UBA6: variants seen among roughly 807,000 people sequenced by gnomAD.
UBA6 encodes ubiquitin like modifier activating enzyme 6.
A neutral mutation model predicts 148.3 loss-of-function variants in UBA6; 87 were observed. That is an observed-to-expected ratio of 0.59 (90% confidence interval 0.49 to 0.70). UBA6 has a LOEUF of 0.70. UBA6 is among the 30% of genes least tolerant of loss of function. The probability of loss-of-function intolerance (pLI) is 0.00; values close to 1 mark genes in which losing one functional copy is unlikely to be tolerated. For synonymous variants in UBA6, 376 were observed against 401.0 expected (o/e 0.94, Z 0.75); for missense variants, 1,186 against 1,241.2 (o/e 0.96, Z 0.67).
chr4:67,700,525 C>T (rs1730952600), intron 1 of UBA6, among the ~76,000 whole-genome samples: 1 of 135,482 alleles, frequency 7.4e-6, no homozygotes, highest in Admixed American at 7.5e-5. Context: ...ATTTTTTTTT[C>T]CTGGCTTTTT....
chr4:67,660,551 C>T (rs1490277217), intron 13 of UBA6, among the ~76,000 whole-genome samples: 2 of 152,184 alleles, frequency 1.3e-5, no homozygotes, highest in African/African-American at 4.8e-5. Context: ...GATTTGGGAA[C>T]CTCTGCCTAG....
chr4:67,662,538 C>T (rs1409985584), intron 12 of UBA6: 5 of 283,186 alleles, frequency 1.8e-5, no homozygotes, highest in Non-Finnish European at 3.2e-5. Flanking sequence ...AATCTTGGCT[C>T]ACTGCACCCT....
chr4:67,637,621 TCTA>T (rs1729195049), intron 19 of UBA6, among the ~76,000 whole-genome samples: 3 of 2,888 alleles, frequency 1.0e-3, no homozygotes, highest in Non-Finnish European at 7.6e-3. Context: ...ATGCTGTTGA[TCTA>T]ATCTATGACC....
chr4:67,685,426 T>A (rs542326896), intron 2 of UBA6, among the ~76,000 whole-genome samples: 9 of 152,358 alleles, frequency 5.9e-5, no homozygotes, highest in Non-Finnish European at 4.4e-5. Flanking sequence ...TCTAGTGTCA[T>A]CTTTTGCCTC....
intron 19 of UBA6, 39 bp from the exon 20 acceptor site, chr4:67,635,597 G>A (rs1457972780): frequency 7.7e-7 from 1 of 1,292,962 alleles, no homozygotes; most frequent in Non-Finnish European, 1.1e-6. Context: ...AAAAAAGTGA[G>A]CAATAACAAT....
rs866462500 is a variant in UBA6 at position 67,677,703 on chromosome 4, G to A, written c.373C>T (p.His125Tyr). Residue 125 changes from histidine to tyrosine, a missense_variant, in exon 6 of 33, where the codon CAT (histidine) becomes TAT (tyrosine). Physicochemically the swap from His to Tyr is moderately conservative, Grantham distance 83. Coordinates refer to ENST00000322244, the MANE Select transcript of UBA6 (RefSeq NM_018227.6). The part of the protein sequence containing the change: ...KRNRAEAVLK[H>Y]IAELNPYVHV... ...ACGTATGGATTTAGTTCTGCAATAT[G>A]TTTAAGTACAGCTTCAGCCCTAAAA... 3 of 1,588,756 alleles carry A rather than the reference G, an allele frequency of 1.9e-6. No homozygotes were observed. The highest frequency in any genetic ancestry group is 1.7e-4 in the Middle Eastern group (1 of 5,980).
chr4:67,681,892 AT>A (rs1285202987), intron 3 of UBA6, among the ~76,000 whole-genome samples: 1 of 152,232 alleles, frequency 6.6e-6, no homozygotes, highest in African/African-American at 2.4e-5. Flanking sequence ...ATAGAGAATG[AT>A]AATTAATGGC....
intron 8 of UBA6, 111 bp downstream of exon 8, chr4:67,670,359 G>A (rs1730114333): frequency 3.4e-6 from 3 of 884,292 alleles, no homozygotes; most frequent in Admixed American, 2.5e-5. Flanking sequence ...TTAAAACACT[G>A]TAAAATAAAT....
chr4:67,652,606 T>C lies in UBA6; in HGVS notation c.1105-3395A>G, dbSNP rs142142097. On this transcript the variant is annotated intron_variant, in intron 13 of 32. Transcript: ENST00000322244. ...AGCTCGTCTGCAGCTCCCAGCGAGA[T>C]CGATGCAGAAGACAGGTGATTTCAG... 4.5e-4 allele frequency among the ~76,000 whole-genome samples: 69 copies of C among 152,078 alleles called. 1 individual carries two copies. In the East Asian group the frequency reaches 0.012, roughly 26 times the overall value.
At position 67,656,683 on chromosome 4, in the gene UBA6, C is replaced by T. The variant is rs920194751; in HGVS notation, c.1104+5506G>A. On this transcript the variant is annotated intron_variant, in intron 13 of 32. Transcript: ENST00000322244. ...ATAGTCTTGGAAGTTCTCGCCAGGGCAATCAGGCAAGAGAAAGAAATAAAG... is the reference window on the plus strand; with the variant it reads ...ATAGTCTTGGAAGTTCTCGCCAGGGTAATCAGGCAAGAGAAAGAAATAAAG... 5.3e-5 allele frequency among the ~76,000 whole-genome samples: 8 copies of T among 152,256 alleles called. 1 individual carries two copies. Among genetic ancestry groups the T allele is most frequent in the African/African-American group, 1.9e-4 (8 of 41,514 alleles).
intron 12 of UBA6, 124 bp from the exon 13 acceptor site, chr4:67,662,379 C>G: frequency 2.9e-6 from 2 of 696,590 alleles, no homozygotes; most frequent in South Asian, 4.3e-5. Flanking sequence ...ACAGGTAGCA[C>G]AAAATGTTGT....
rs368388345 is a variant in UBA6 at position 67,613,398 on chromosome 4, TAGAC to T, written c.*5595_*5598del. The T allele has an allele frequency of 3.7e-3, 565 of 152,306 alleles. 3 individuals carry two copies. Among genetic ancestry groups the T allele is most frequent in the African/African-American group, 0.013 (544 of 41,566 alleles). 9.4% of individuals were successfully genotyped at this position (152,306 alleles called of 1,614,324 possible). On this transcript the variant is annotated 3_prime_UTR_variant, in exon 33 of 33. Transcript: ENST00000322244. ...AGGCGGGTTTTGATTCTGGAATTAT[TAGAC>T]AGACTAGAAAATAATTATGCTTTTC... is the stretch of plus-strand genomic sequence containing the variant.
chr4:67,670,519 T>C lies in UBA6; in HGVS notation c.620A>G (p.Asp207Gly), dbSNP rs769853495. 2 of 1,601,004 alleles carry C rather than the reference T, an allele frequency of 1.2e-6. No individual in the cohort carries two copies. Among genetic ancestry groups the C allele is most frequent in the Non-Finnish European group, 1.7e-6 (2 of 1,168,322 alleles). Residue 207 changes from aspartate to glycine, a missense_variant, in exon 8 of 33, where the codon GAT becomes GGT. Asp to Gly is a moderately conservative substitution (Grantham distance 94, BLOSUM62 -1). Coordinates refer to ENST00000322244, the MANE Select transcript of UBA6 (RefSeq NM_018227.6). ...TTCTTTTGGTTCTTCTCCTGTTGTA[T>C]CTAAAACTTCAAATTCATCACCGAA... ...CDFGDEFEVL[D>G]TTGEEPKEIF...
chr4:67,653,628 C>G (rs901715205), intron 13 of UBA6, among the ~76,000 whole-genome samples: 3 of 152,198 alleles, frequency 2.0e-5, no homozygotes, highest in Non-Finnish European at 4.4e-5. Flanking sequence ...TGCCTCTTCT[C>G]CTCCAAAGGA....
intron 19 of UBA6, among the ~76,000 whole-genome samples, chr4:67,636,849 G>A (rs1208368307): frequency 1.3e-5 from 2 of 151,934 alleles, no homozygotes; most frequent in Admixed American, 6.6e-5. Context: ...CTGCCTGGCC[G>A]CCCATCGTCT....
chr4:67,697,556 C>T (rs1420709567), intron 1 of UBA6, among the ~76,000 whole-genome samples: 1 of 152,194 alleles, frequency 6.6e-6, no homozygotes, highest in African/African-American at 2.4e-5. Context: ...AATTCAATTA[C>T]CCCTGCTTAA....
intron 32 of UBA6, among the ~76,000 whole-genome samples, chr4:67,620,264 A>C (rs1461657325): frequency 1.3e-5 from 2 of 152,248 alleles, no homozygotes; most frequent in Admixed American, 6.5e-5. Context: ...TTAATGCCTT[A>C]GCTAATATAA....
intron 9 of UBA6, 134 bp from the exon 10 acceptor site, chr4:67,665,426 T>C: frequency 1.9e-6 from 1 of 517,686 alleles, no homozygotes. Context: ...TTTTTTTGTT[T>C]GTTTGTTTTT....
rs764921944 is a variant in UBA6, at chr4:67,701,133, A to G, written c.-14T>C. On this transcript the variant is annotated 5_prime_UTR_variant, in exon 1 of 33. Coordinates refer to ENST00000322244, the MANE Select transcript of UBA6 (RefSeq NM_018227.6). ...GGATCCTTCCATTGCCGCCTGAGAC[A>G]CCGCCGCCGGCTACTGGAAGGTAGG... is the stretch of plus-strand genomic sequence containing the variant. 5.0e-6 allele frequency: 8 copies of G among 1,605,726 alleles called. No homozygotes were observed. In the South Asian group the frequency reaches 7.7e-5, roughly 15 times the overall value.
Sources: allele counts gnomAD v4.1 joint callset (sites outside exome capture counted in the v4.1 genomes callset), GRCh38; gene constraint gnomAD v4.1.1; transcripts MANE v1.5; gene names NCBI Gene and HGNC (gene_info 2026-07-23, HGNC 2026-07-21).